The following AFF4 variants were observed in gnomAD, a reference collection of about 807,000 sequenced individuals.
AFF4 encodes AF4/FMR2 family member 4.
Under a neutral mutation model 124.8 loss-of-function variants are expected in AFF4, and 13 were observed. That is an observed-to-expected ratio of 0.10 (90% confidence interval 0.07 to 0.17). The LOEUF (loss-of-function observed/expected upper bound fraction) is 0.17, where lower values mean the gene tolerates loss of function less well. AFF4 is among the 10% of genes least tolerant of loss of function. The probability of loss-of-function intolerance (pLI) is 1.00; values close to 1 mark genes in which losing one functional copy is unlikely to be tolerated. For synonymous variants in AFF4, 477 were observed against 496.1 expected (o/e 0.96, Z 0.51); for missense variants, 1,092 against 1,403.8 (o/e 0.78, Z 3.55).
intron 17 of AFF4, 114 bp downstream of exon 17, chr5:132,887,407 T>G (rs1760143766): frequency 2.0e-6 from 2 of 989,508 alleles, no homozygotes; most frequent in Middle Eastern, 2.1e-4. Flanking sequence ...AGGAACAGAT[T>G]TAAGACAGGA....
At chr5:132,928,194 G>A (rs1761221441) in intron 4 of AFF4, among the ~76,000 whole-genome samples, 1 of 150,988 alleles carries the variant, frequency 6.6e-6, no homozygotes, top group Non-Finnish European at 1.5e-5. Context: ...AATCAAAATG[G>A]AGTCACTAAT....
Position 132,896,565 on chromosome 5 carries a change from G to A in AFF4, c.2065C>T (p.Arg689Trp), listed in dbSNP as rs370026910. Reference protein sequence around the residue: ...SSVEEEDSFFRQRMFSPMEEK... With the variant: ...SSVEEEDSFFWQRMFSPMEEK... ...TCCATAGGAGAGAACATTCGTTGCC[G>A]AAAAAAGCTATCTTCTTCCTCCACT... Residue 689 changes from arginine to tryptophan, a missense_variant, in exon 11 of 21, where the codon CGG becomes TGG. Transcript: ENST00000265343. 5 of 1,613,776 alleles carry A rather than the reference G, an allele frequency of 3.1e-6. No homozygotes were observed. In the African/African-American group the frequency reaches 4.0e-5, roughly 13 times the overall value.
chr5:132,945,464 AAAC>A (rs748085875), intron 1 of AFF4: 1 of 152,450 alleles, frequency 6.6e-6, no homozygotes, highest in Non-Finnish European at 1.5e-5. Context: ...TTTTAAAAAC[AAAC>A]AACACTGGGC....
chr5:132,917,626 T>C (rs1200636209), intron 5 of AFF4, among the ~76,000 whole-genome samples: 1 of 151,840 alleles, frequency 6.6e-6, no homozygotes, highest in African/African-American at 2.4e-5. Context: ...TCTACAAAAA[T>C]GCTATTAAGT....
chr5:132,884,598 G>C (rs961624759), intron 19 of AFF4, among the ~76,000 whole-genome samples: 2 of 152,152 alleles, frequency 1.3e-5, no homozygotes, highest in Non-Finnish European at 2.9e-5. Context: ...AATACACACA[G>C]GACAAAGAAT....
chr5:132,913,380 T>G (rs185189083), intron 5 of AFF4, among the ~76,000 whole-genome samples: 2 of 152,312 alleles, frequency 1.3e-5, no homozygotes, highest in East Asian at 3.9e-4. Context: ...TGAGTAAGGA[T>G]ATAGAAGATT....
In AFF4 at chr5:132,963,357, G is replaced by C. The variant is rs1343710469; in HGVS notation, c.-103C>G. The C allele has an allele frequency of 7.5e-6, 3 of 397,362 alleles. No individual in the cohort carries two copies. Among genetic ancestry groups the C allele is most frequent in the Non-Finnish European group, 1.3e-5 (3 of 225,156 alleles). The allele number at this position is 397,362 out of a possible 1,614,324, so 24.6% of individuals were successfully genotyped here. On this transcript the variant is annotated 5_prime_UTR_variant, in exon 1 of 21. Coordinates refer to ENST00000265343, the MANE Select transcript of AFF4 (RefSeq NM_014423.4). ...CCGGACGCGCATTCGAGCCCGCCCA[G>C]GGGGCGGTGACAGGCTGCCAAGGGC...
At chr5:132,905,855 T>C (rs1415358890) in intron 5 of AFF4, among the ~76,000 whole-genome samples, 1 of 152,140 alleles carries the variant, frequency 6.6e-6, no homozygotes, top group Non-Finnish European at 1.5e-5. Context: ...ACTCACAGAA[T>C]AGGAGAAAAT....
chr5:132,904,981 C>T (rs550087617), intron 5 of AFF4, among the ~76,000 whole-genome samples: 48 of 142,626 alleles, frequency 3.4e-4, no homozygotes, highest in African/African-American at 1.1e-3. Flanking sequence ...CCCTGGGAGG[C>T]GGAGGTTGCA....
At position 132,876,976 on chromosome 5, in the gene AFF4, T is replaced by G; in HGVS notation, c.*4083A>C. 1 of 197,102 alleles carries G rather than the reference T, an allele frequency of 5.1e-6. No individual in the cohort carries two copies. The highest frequency in any genetic ancestry group is 1.1e-5 in the Non-Finnish European group (1 of 94,862). 12.2% of individuals were successfully genotyped at this position (197,102 alleles called of 1,614,324 possible). A position where few individuals can be genotyped will look rare whatever the true frequency, so the allele number is the denominator to read the frequency against. On this transcript the variant is annotated 3_prime_UTR_variant, in exon 21 of 21. Transcript: ENST00000265343. ...CTATTAGTTTTACTGAATAGCAACC[T>G]TAGATGTACAGTATTATTACTGGAA...
intron 5 of AFF4, among the ~76,000 whole-genome samples, chr5:132,917,286 T>C (rs571672686): frequency 6.6e-6 from 1 of 152,196 alleles, no homozygotes; most frequent in African/African-American, 2.4e-5. Flanking sequence ...ATCATTCCAA[T>C]AGATTTAAAA....
chr5:132,901,895 A>C (rs942687985), intron 7 of AFF4, among the ~76,000 whole-genome samples: 1 of 152,182 alleles, frequency 6.6e-6, no homozygotes, highest in Non-Finnish European at 1.5e-5. Flanking sequence ...TGTGGCTGGA[A>C]TACTGCCACA....
Position 132,878,851 on chromosome 5 carries a change from T to TA in AFF4, c.*2207dup, listed in dbSNP as rs1759901876. Reference sequence around the variant, plus strand: ...AGACTAGAACACAAGAACTCAGAGGTATCCCACTGGCTGTTGTTGCTGAAA... The same window carrying TA: ...AGACTAGAACACAAGAACTCAGAGGTAATCCCACTGGCTGTTGTTGCTGAAA... On this transcript the variant is annotated 3_prime_UTR_variant, in exon 21 of 21. Transcript: ENST00000265343. 1 of 223,678 alleles carries TA rather than the reference T, an allele frequency of 4.5e-6. No homozygotes were observed. Among genetic ancestry groups the TA allele is most frequent in the African/African-American group, 2.2e-5 (1 of 44,822 alleles). 13.9% of individuals were successfully genotyped at this position (223,678 alleles called of 1,614,324 possible).
At chr5:132,892,529 G>T in intron 12 of AFF4, 125 bp from the exon 13 acceptor site, 1 of 1,337,020 alleles carries the variant, frequency 7.5e-7, no homozygotes, top group Non-Finnish European at 1.0e-6. Flanking sequence ...TAGGACACAT[G>T]ATTTCTATAA....
At position 132,938,941 on chromosome 5, in the gene AFF4, C is replaced by CAAAA. The variant is rs762784790; in HGVS notation, c.-4-1752_-4-1749dup. 7.9e-3 allele frequency among the ~76,000 whole-genome samples: 302 copies of CAAAA among 38,266 alleles called. 8 individuals are homozygous for CAAAA. The highest frequency in any genetic ancestry group is 0.046 in the East Asian group (46 of 992). The allele number at this position is 38,266 out of a possible 152,430, so 25.1% of individuals were successfully genotyped here. On this transcript the variant is annotated intron_variant, in intron 1 of 20. Coordinates refer to ENST00000265343, the MANE Select transcript of AFF4 (RefSeq NM_014423.4). Reference sequence around the variant, plus strand: ...CTGGGCGACAGAGAGAGACTCATCTCAAAAAAAAAAAAAAAAAAAAAAGGC... The same window carrying CAAAA: ...CTGGGCGACAGAGAGAGACTCATCTCAAAAAAAAAAAAAAAAAAAAAAAAAAGGC...
At chr5:132,931,802 G>C (rs1365931528) in intron 4 of AFF4, among the ~76,000 whole-genome samples, 1 of 152,150 alleles carries the variant, frequency 6.6e-6, no homozygotes, top group Non-Finnish European at 1.5e-5. Context: ...AAATCAGCCG[G>C]GCATGATGGC....
At chr5:132,956,055 A>T (rs1761953271) in intron 1 of AFF4, among the ~76,000 whole-genome samples, 1 of 151,730 alleles carries the variant, frequency 6.6e-6, no homozygotes, top group African/African-American at 2.4e-5. Context: ...ACAAATATAC[A>T]TATTCTACAA....
rs552469112 is a variant in AFF4, at chr5:132,901,466, T to C, written c.1133+976A>G. Reference sequence around the variant, plus strand: ...GGGTCATCACAGTATAGTCTGTGACTATGGCATAGAAAGCTGGCACTGTAG... The same window carrying C: ...GGGTCATCACAGTATAGTCTGTGACCATGGCATAGAAAGCTGGCACTGTAG... On this transcript the variant is annotated intron_variant, in intron 7 of 20. Transcript: ENST00000265343. 5.3e-5 allele frequency among the ~76,000 whole-genome samples: 8 copies of C among 152,342 alleles called. 1 individual carries two copies. The highest frequency in any genetic ancestry group is 3.9e-4 in the East Asian group (2 of 5,186).
At position 132,934,128 on chromosome 5, in the gene AFF4, C is replaced by A. The variant is rs771339408; in HGVS notation, c.918+19G>T. On this transcript the variant is annotated intron_variant, in intron 3 of 20. Coordinates refer to ENST00000265343, the MANE Select transcript of AFF4 (RefSeq NM_014423.4). ...CTTCACGTAGTCACAATGTTAAAAG[C>A]TCTAAATGTGTGACTTACATCCAGT... is the stretch of plus-strand genomic sequence containing the variant. 5 of 1,601,414 alleles carry A rather than the reference C, an allele frequency of 3.1e-6. No homozygotes were observed. The highest frequency in any genetic ancestry group is 3.4e-5 in the Admixed American group (2 of 59,028).
Sources: allele counts gnomAD v4.1 joint callset (sites outside exome capture counted in the v4.1 genomes callset), GRCh38; gene constraint gnomAD v4.1.1; transcripts MANE v1.5; gene names NCBI Gene and HGNC (gene_info 2026-07-23, HGNC 2026-07-21).